PDE11A: variants seen among roughly 807,000 people sequenced by gnomAD.
PDE11A encodes the protein phosphodiesterase 11A, also known as dual 3',5'-cyclic-AMP and -GMP phosphodiesterase 11A.
PDE11A carries 100 observed loss-of-function variants against 100.5 expected under a neutral mutation model. That is an observed-to-expected ratio of 1.00 (90% CI 0.85 to 1.18). PDE11A has a LOEUF of 1.18. PDE11A is among the 50% of genes most tolerant of loss of function. The pLI is 0.00. For missense variants in PDE11A, 1,141 were observed against 1,152.6 expected (o/e 0.99, Z 0.15); for synonymous variants, 381 against 420.8 (o/e 0.91, Z 1.16).
intron 10 of PDE11A, among the ~76,000 whole-genome samples, chr2:177,740,185 C>T (rs1434904220): frequency 6.6e-6 from 1 of 152,174 alleles, no homozygotes; most frequent in Non-Finnish European, 1.5e-5. Flanking sequence ...ATGTTAGTAT[C>T]TGACTTAAGC....
At chr2:178,071,107 A>T (rs1402789243) in intron 1 of PDE11A, among the ~76,000 whole-genome samples, 1 of 152,182 alleles carries the variant, frequency 6.6e-6, no homozygotes, top group Non-Finnish European at 1.5e-5. Flanking sequence ...TCCCCAAAAG[A>T]CACCAAAGAC....
chr2:178,105,685 G>A, intron 1 of PDE11A: 1 of 847,414 alleles, frequency 1.2e-6, no homozygotes, highest in Non-Finnish European at 1.7e-6. Context: ...CATAATGAAG[G>A]CCCTGAATGT....
At chr2:178,047,892 G>A (rs73972673) in intron 1 of PDE11A, among the ~76,000 whole-genome samples, 13,689 of 152,178 alleles carry the variant, frequency 0.09, 903 homozygotes, top group African/African-American at 0.19. Context: ...TAGATGATGA[G>A]TGCAGGGAAG....
At chr2:177,932,120 T>C (rs1041129935) in intron 2 of PDE11A, among the ~76,000 whole-genome samples, 3 of 151,900 alleles carry the variant, frequency 2.0e-5, no homozygotes, top group Non-Finnish European at 4.4e-5. Flanking sequence ...CAGGAAGAAA[T>C]TGAAACACAA....
intron 5 of PDE11A, among the ~76,000 whole-genome samples, chr2:177,850,529 A>G (rs1017204038): frequency 8.5e-5 from 13 of 152,376 alleles, no homozygotes; most frequent in African/African-American, 2.9e-4. Context: ...GCCAAAATTG[A>G]CAAATGGGAT....
At chr2:177,942,069 A>C (rs2085351684) in intron 2 of PDE11A, among the ~76,000 whole-genome samples, 3 of 152,324 alleles carry the variant, frequency 2.0e-5, no homozygotes, top group East Asian at 1.9e-4. Flanking sequence ...TATTTTCTAC[A>C]AGAAATGCTA....
At chr2:177,940,654 C>G (rs919840996) in intron 2 of PDE11A, among the ~76,000 whole-genome samples, 4 of 152,170 alleles carry the variant, frequency 2.6e-5, no homozygotes, top group East Asian at 1.9e-4. Flanking sequence ...TAATAGGAAT[C>G]AAGAAATCAC....
At chr2:177,696,551 C>T (rs951647170) in intron 15 of PDE11A, among the ~76,000 whole-genome samples, 1 of 152,102 alleles carries the variant, frequency 6.6e-6, no homozygotes, top group Admixed American at 6.5e-5. Flanking sequence ...TCTGAGTGTA[C>T]AATTTTGATA....
intron 6 of PDE11A, among the ~76,000 whole-genome samples, chr2:177,834,712 C>A (rs2083365128): frequency 6.6e-6 from 1 of 152,158 alleles, no homozygotes; most frequent in Non-Finnish European, 1.5e-5. Context: ...ATGAAGAAAC[C>A]CATTGCATAA....
chr2:178,023,347 C>A (rs2086437766), intron 1 of PDE11A, among the ~76,000 whole-genome samples: 2 of 152,182 alleles, frequency 1.3e-5, no homozygotes, highest in African/African-American at 4.8e-5. Flanking sequence ...ACGAAAGAAG[C>A]CTCGAAGCAA....
intron 9 of PDE11A, among the ~76,000 whole-genome samples, chr2:177,792,144 A>C (rs906025476): frequency 6.6e-6 from 1 of 152,174 alleles, no homozygotes. Flanking sequence ...TTCTGTTTTA[A>C]AGTGAGGCTG....
At chr2:177,704,686 G>T (rs540671787) in intron 13 of PDE11A, among the ~76,000 whole-genome samples, 1 of 152,246 alleles carries the variant, frequency 6.6e-6, no homozygotes, top group African/African-American at 2.4e-5. Context: ...AGTAAAAAGG[G>T]TTCCGTGGCC....
chr2:178,031,098 G>C (rs561039952), intron 1 of PDE11A, among the ~76,000 whole-genome samples: 8 of 152,216 alleles, frequency 5.3e-5, no homozygotes, highest in Non-Finnish European at 1.0e-4. Context: ...TATAAAGGCA[G>C]AAAAAGTTAA....
chr2:177,891,048 G>A (rs1012526243), intron 4 of PDE11A, among the ~76,000 whole-genome samples: 4 of 152,028 alleles, frequency 2.6e-5, no homozygotes, highest in Admixed American at 6.6e-5. Context: ...CACTACTATA[G>A]GAATGCAGTA....
chr2:178,022,771 G>C (rs958769298), intron 1 of PDE11A, among the ~76,000 whole-genome samples: 2 of 152,022 alleles, frequency 1.3e-5, no homozygotes, highest in Non-Finnish European at 2.9e-5. Flanking sequence ...CATCTCCCTT[G>C]GGACAAAAGA....
At chr2:177,877,498 G>A (rs953033914) in intron 4 of PDE11A, among the ~76,000 whole-genome samples, 10 of 152,060 alleles carry the variant, frequency 6.6e-5, no homozygotes, top group South Asian at 4.2e-4. Flanking sequence ...AAAGTCTCCC[G>A]GGTAATCTCT....
intron 19 of PDE11A, among the ~76,000 whole-genome samples, chr2:177,651,587 T>C (rs572918314): frequency 6.6e-6 from 1 of 151,974 alleles, no homozygotes; most frequent in Non-Finnish European, 1.5e-5. Context: ...AGAAAAACAC[T>C]CAGCCCTTAC....
rs1194822156 is a variant in PDE11A, at chr2:177,818,294, AAT to A, written c.1577-371_1577-370del. On this transcript the variant is annotated intron_variant, in intron 7 of 19. Transcript: ENST00000286063. Reference sequence around the variant, plus strand: ...CATATATATATATATTTCAACTGAAAATATATATATATGTGTGTATATATATA... The same window carrying A: ...CATATATATATATATTTCAACTGAAAATATATATATGTGTGTATATATATA... Among the ~76,000 whole-genome samples the A allele has an allele frequency of 2.4e-3, 278 of 116,260 alleles. 2 individuals are homozygous for A. The highest frequency in any genetic ancestry group is 0.011 in the African/African-American group (256 of 24,056). 76.3% of individuals were successfully genotyped at this position (116,260 alleles called of 152,430 possible).
chr2:177,903,897 C>T (rs752613418), intron 3 of PDE11A, among the ~76,000 whole-genome samples: 10 of 152,070 alleles, frequency 6.6e-5, no homozygotes, highest in East Asian at 3.9e-4. Flanking sequence ...AGCAGGAGCA[C>T]GGTAAGACAT....
Sources: gnomAD v4.1 joint callset for allele counts (sites outside exome capture counted in the v4.1 genomes callset) on GRCh38, gnomAD v4.1.1 for gene constraint, MANE v1.5 for transcripts, NCBI Gene and HGNC (gene_info 2026-07-23, HGNC 2026-07-21) for gene names.